The following SLC13A5 variants were observed in gnomAD, a reference collection of about 807,000 sequenced individuals.
SLC13A5 encodes solute carrier family 13 member 5, also known as Na(+)/citrate cotransporter.
A neutral mutation model predicts 56.5 loss-of-function variants in SLC13A5; 25 were observed. That is an observed-to-expected ratio of 0.44 (90% CI 0.32 to 0.62). SLC13A5 has a LOEUF of 0.62. Among genes scored for constraint, SLC13A5 ranks in the 20% least tolerant of loss-of-function variants. The probability of loss-of-function intolerance (pLI) is 0.04; values close to 1 mark genes in which losing one functional copy is unlikely to be tolerated. For synonymous variants in SLC13A5, 307 were observed against 301.5 expected (o/e 1.02, Z -0.19); for missense variants, 649 against 737.8 (o/e 0.88, Z 1.39).
At position 6,694,695 on chromosome 17, in the gene SLC13A5, G is replaced by T. The variant is rs145939007; in HGVS notation, c.1056-498C>A. Among the ~76,000 whole-genome samples, 168 of 152,244 alleles carry T rather than the reference G, an allele frequency of 1.1e-3. 1 individual carries two copies. The highest frequency in any genetic ancestry group is 3.8e-3 in the African/African-American group (158 of 41,562). On this transcript the variant is annotated intron_variant, in intron 7 of 11. Coordinates refer to ENST00000433363, the MANE Select transcript of SLC13A5 (RefSeq NM_177550.5). Reference sequence around the variant, plus strand: ...CCCACACTCTTGACCACCAACTTTGGGTGATCCTAAGCAGTTTACTTCCCC... The same window carrying T: ...CCCACACTCTTGACCACCAACTTTGTGTGATCCTAAGCAGTTTACTTCCCC...
intron 8 of SLC13A5, 109 bp from the exon 9 acceptor site, chr17:6,693,271 G>T: frequency 2.8e-6 from 2 of 719,884 alleles, no homozygotes; most frequent in South Asian, 2.0e-5. Flanking sequence ...AATCAAGGGG[G>T]AATAAAGCTA....
intron 3 of SLC13A5, chr17:6,704,335 C>T: frequency 1.7e-6 from 1 of 578,158 alleles, no homozygotes; most frequent in Non-Finnish European, 3.3e-6. Flanking sequence ...GCCTCAGATC[C>T]AGTCGTGGTT....
chr17:6,708,574 C>T (rs987490269), intron 1 of SLC13A5, among the ~76,000 whole-genome samples: 5 of 152,188 alleles, frequency 3.3e-5, no homozygotes, highest in East Asian at 1.9e-4. Context: ...AAAAACATCA[C>T]GGAGATCTTA....
Position 6,687,650 on chromosome 17 carries a change from A to C in SLC13A5, c.1454T>G (p.Leu485Arg), listed in dbSNP as rs148049520. ...GGGCAGCATGATGTACAGCGGATTG[A>C]GGCCGATGGAGCGAGACTGCGGAAA... ...IFASMSRSIG[L>R]NPLYIMLPCT... The change falls in exon 11 of 12, where the codon CTC becomes CGC. Residue 485 changes from leucine (L) to arginine (R), a missense_variant. Physicochemically the swap from Leu to Arg is moderately radical, Grantham distance 102. Transcript: ENST00000433363. The surrounding 1 kb of genome is among the most constrained non-coding windows in gnomAD (Gnocchi z 5.0). 4.4e-6 allele frequency: 7 copies of C among 1,604,914 alleles called. No individual in the cohort carries two copies. Among genetic ancestry groups the C allele is most frequent in the Non-Finnish European group, 6.0e-6 (7 of 1,176,130 alleles).
rs746343225 is a variant in SLC13A5, at chr17:6,687,439, C to T, written c.1575+90G>A. 3.1e-4 allele frequency: 475 copies of T among 1,556,326 alleles called. 1 individual carries two copies. Among genetic ancestry groups the T allele is most frequent in the South Asian group, 5.1e-4 (44 of 86,318 alleles). On this transcript the variant is annotated intron_variant, in intron 11 of 11. Coordinates refer to ENST00000433363, the MANE Select transcript of SLC13A5 (RefSeq NM_177550.5). This position sits in a 1 kb window ranked among gnomAD's most constrained non-coding sequence, Gnocchi z 5.0. ...GTGGCATTCCCAAGTCACATGACATCGTTTTGAAACTCTGTCATTCATAAA... is the reference window on the plus strand; with the variant it reads ...GTGGCATTCCCAAGTCACATGACATTGTTTTGAAACTCTGTCATTCATAAA...
In SLC13A5 at chr17:6,701,013, A is replaced by C; in HGVS notation, c.830T>G (p.Met277Arg). The C allele has an allele frequency of 1.2e-6, 2 of 1,614,148 alleles. No homozygotes were observed. The highest frequency in any genetic ancestry group is 1.7e-6 in the Non-Finnish European group (2 of 1,180,002). The change falls in exon 6 of 12, where the codon ATG becomes AGG. Residue 277 changes from methionine to arginine, a missense_variant. By Grantham distance (91) the Met-to-Arg change is moderately conservative. Transcript: ENST00000433363. The surrounding 1 kb of genome is among the most constrained non-coding windows in gnomAD (Gnocchi z 4.1). ...FAWLWLQFVYMRFNFKKSWGC... is the reference protein window; with the variant it reads ...FAWLWLQFVYRRFNFKKSWGC... ...AGCAGCTCAAACTTACTTGAATCTC[A>C]TGTAAACAAACTGGAGCCACAGCCA...
chr17:6,704,500 C>T, intron 3 of SLC13A5: 1 of 343,162 alleles, frequency 2.9e-6, no homozygotes, highest in South Asian at 2.3e-5. Context: ...CCACCCACCC[C>T]CAAACTCTGT....
rs190932355 is a variant in SLC13A5, at chr17:6,699,844, G to A, written c.839+1160C>T. Among the ~76,000 whole-genome samples the A allele has an allele frequency of 2.0e-3, 304 of 152,318 alleles. 1 individual carries two copies. Among genetic ancestry groups the A allele is most frequent in the African/African-American group, 5.6e-3 (234 of 41,586 alleles). On this transcript the variant is annotated intron_variant, in intron 6 of 11. Transcript: ENST00000433363. Reference sequence around the variant, plus strand: ...TGGTTACAAACTCCTGACCTCAGGCGATCTGCCCACCTCGGCCTCCAAAAA... The same window carrying A: ...TGGTTACAAACTCCTGACCTCAGGCAATCTGCCCACCTCGGCCTCCAAAAA...
At chr17:6,690,719 C>T (rs1338073197) in intron 10 of SLC13A5, 60 bp downstream of exon 10, 1 of 1,610,172 alleles carries the variant, frequency 6.2e-7, no homozygotes, top group Non-Finnish European at 8.5e-7. Context: ...CAGGGACCCA[C>T]AATATGGCCA....
At chr17:6,694,656 T>C (rs1973510665) in intron 7 of SLC13A5, among the ~76,000 whole-genome samples, 1 of 152,080 alleles carries the variant, frequency 6.6e-6, no homozygotes, top group South Asian at 2.1e-4. Context: ...GAATCCTGGC[T>C]AGAAATCAAG....
At chr17:6,710,793 AAG>A (rs944157505) in intron 1 of SLC13A5, among the ~76,000 whole-genome samples, 4 of 145,472 alleles carry the variant, frequency 2.7e-5, no homozygotes, top group African/African-American at 8.2e-5. Flanking sequence ...TGTGTCTGGG[AAG>A]AGAGAGAGAG....
intron 6 of SLC13A5, among the ~76,000 whole-genome samples, chr17:6,700,764 G>A (rs1973690538): frequency 1.3e-5 from 2 of 152,202 alleles, no homozygotes; most frequent in Non-Finnish European, 1.5e-5. Context: ...TAGCCTTGAA[G>A]GCTGAGGAGG....
intron 1 of SLC13A5, among the ~76,000 whole-genome samples, chr17:6,710,698 T>C (rs1973997318): frequency 6.6e-6 from 1 of 151,790 alleles, no homozygotes; most frequent in Non-Finnish European, 1.5e-5. Flanking sequence ...GTTAGAAAAG[T>C]TCAACATTAA....
rs975547471 is a variant in SLC13A5, at chr17:6,692,450, T to C, written c.1275+594A>G. On this transcript the variant is annotated intron_variant, in intron 9 of 11. Coordinates refer to ENST00000433363, the MANE Select transcript of SLC13A5 (RefSeq NM_177550.5). The surrounding 1 kb of genome is among the most constrained non-coding windows in gnomAD (Gnocchi z 5.5). ...GCAATAACTAGACCAAGTCTGTCTATTACACTCCTGGATACTTGGGTAGGT... is the reference window on the plus strand; with the variant it reads ...GCAATAACTAGACCAAGTCTGTCTACTACACTCCTGGATACTTGGGTAGGT... 6.6e-6 allele frequency among the ~76,000 whole-genome samples: 1 copy of C among 152,200 alleles called. No homozygotes were observed. Among genetic ancestry groups the C allele is most frequent in the Non-Finnish European group, 1.5e-5 (1 of 68,046 alleles).
At chr17:6,707,268 G>A in intron 1 of SLC13A5, 112 bp from the exon 2 acceptor site, 4 of 1,368,380 alleles carry the variant, frequency 2.9e-6, no homozygotes, top group Non-Finnish European at 4.0e-6. Flanking sequence ...TGATCTCAGA[G>A]GGATTCCCCT....
At chr17:6,707,757 T>A (rs900564938) in intron 1 of SLC13A5, among the ~76,000 whole-genome samples, 4 of 151,734 alleles carry the variant, frequency 2.6e-5, no homozygotes, top group African/African-American at 9.7e-5. Flanking sequence ...GCTATGGGTA[T>A]CCAGAGGTAT....
In SLC13A5 at chr17:6,706,652, T is replaced by C. The variant is rs777351597; in HGVS notation, c.358A>G (p.Lys120Glu). 4 of 1,613,610 alleles carry C rather than the reference T, an allele frequency of 2.5e-6. No homozygotes were observed. The African/African-American group carries it at 5.3e-5, about 22-fold the overall frequency. Reference sequence around the variant, plus strand: ...AGAAGGCGTAATTACCGTGCAGGCTTGGCCCCCACCCAGAGGAGCGTGCGC... The same window carrying C: ...AGAAGGCGTAATTACCGTGCAGGCTCGGCCCCCACCCAGAGGAGCGTGCGC... ...ALRTLLWVGA[K>E]PARLMLGFMG... The change falls in exon 3 of 12, where the codon AAG becomes GAG. Residue 120 changes from lysine (K) to glutamate (E), a missense_variant. Coordinates refer to ENST00000433363, the MANE Select transcript of SLC13A5 (RefSeq NM_177550.5).
chr17:6,693,926 C>T (rs1973485396), intron 8 of SLC13A5, among the ~76,000 whole-genome samples, 171 bp downstream of exon 8: 1 of 152,094 alleles, frequency 6.6e-6, no homozygotes, highest in South Asian at 2.1e-4. Context: ...AGATATTTTG[C>T]ACTAAATAAT....
In SLC13A5 at chr17:6,695,438, G is replaced by T. The variant is rs1973533654; in HGVS notation, c.1055+288C>A. The T allele has an allele frequency of 1.6e-5, 5 of 309,852 alleles. No homozygotes were observed. In the South Asian group the frequency reaches 2.0e-4, roughly 12 times the overall value. 19.2% of individuals were successfully genotyped at this position (309,852 alleles called of 1,614,324 possible). ...GGAGTCTCTCTCTGTTGCCCAGGCT[G>T]GAGTGCAGTGGCACGATCTGGGCTC... On this transcript the variant is annotated intron_variant, in intron 7 of 11. Coordinates refer to ENST00000433363, the MANE Select transcript of SLC13A5 (RefSeq NM_177550.5).
Sources: allele counts gnomAD v4.1 joint callset (sites outside exome capture counted in the v4.1 genomes callset), GRCh38; gene constraint gnomAD v4.1.1; non-coding constraint Gnocchi (gnomAD v3.1); transcripts MANE v1.5; gene names NCBI Gene and HGNC (gene_info 2026-07-23, HGNC 2026-07-21).